Variants in NIN observed in about 807,000 individuals in gnomAD.
The protein encoded by NIN is glycogen synthase kinase 3 beta-interacting protein.
A neutral mutation model predicts 257.6 loss-of-function variants in NIN; 137 were observed. That is an observed-to-expected ratio of 0.53 (90% confidence interval 0.46 to 0.61). The LOEUF (loss-of-function observed/expected upper bound fraction) is 0.61, where lower values mean the gene tolerates loss of function less well. Among genes scored for constraint, NIN ranks in the 20% least tolerant of loss-of-function variants. The pLI is 0.00. For synonymous variants in NIN, 918 were observed against 919.8 expected (o/e 1.00, Z 0.04); for missense variants, 2,439 against 2,501.2 (o/e 0.98, Z 0.53).
chr14:50,820,286 CCT>C (rs1324679138), intron 3 of NIN, among the ~76,000 whole-genome samples: 7 of 152,156 alleles, frequency 4.6e-5, no homozygotes, highest in Admixed American at 4.6e-4. Flanking sequence ...ATAACTGCTC[CCT>C]GTTTGAGTCT....
chr14:50,792,548 C>G (rs761203240), intron 5 of NIN, 164 bp downstream of exon 5: 2 of 695,694 alleles, frequency 2.9e-6, no homozygotes, highest in Non-Finnish European at 2.4e-6. Context: ...AAGATAGAAA[C>G]ATTATATATG....
At position 50,747,926 on chromosome 14, in the gene NIN, A is replaced by T. The variant is rs868143862; in HGVS notation, c.5064+66T>A. 4 of 1,047,826 alleles carry T rather than the reference A, an allele frequency of 3.8e-6. No homozygotes were observed. In the Middle Eastern group the frequency reaches 6.1e-4, roughly 161 times the overall value. 64.9% of individuals were successfully genotyped at this position (1,047,826 alleles called of 1,614,324 possible). A position where few individuals can be genotyped will look rare whatever the true frequency, so the allele number is the denominator to read the frequency against. On this transcript the variant is annotated intron_variant, in intron 22 of 30. Coordinates refer to ENST00000530997, the MANE Select transcript of NIN (RefSeq NM_020921.4). ...AGGACAACTGGTGGTTAGAAATACC[A>T]GCCCAACAGGAGCCCACCAGGTACA...
Position 50,757,979 on chromosome 14 carries a change from A to G in NIN, c.3051T>C (p.Ser1017=). The G allele has an allele frequency of 6.2e-7, 1 of 1,613,420 alleles. No homozygotes were observed. The highest frequency in any genetic ancestry group is 8.5e-7 in the Non-Finnish European group (1 of 1,179,858). Residue 1017 remains serine (S), a synonymous_variant, in exon 18 of 31, where the codon AGT becomes AGC. Transcript: ENST00000530997. ...TTGCCTGCTGCATTTCCTTTATTTT[A>G]CTCTGAAGTCTGGAGATTTCTGTGC... is the stretch of plus-strand genomic sequence containing the variant. ...EMSTEISRLQ[S]KIKEMQQATS... is the part of the protein sequence containing the mutation.
At position 50,758,099 on chromosome 14, in the gene NIN, G is replaced by T. The variant is rs199781458; in HGVS notation, c.2931C>A (p.Asp977Glu). The change falls in exon 18 of 31, where the codon GAC becomes GAA. Residue 977 changes from aspartate to glutamate, a missense_variant. Physicochemically the swap from Asp to Glu is conservative, Grantham distance 45. This residue lies in a region of NIN where 2,043 missense variants were observed against 2,050.2 expected (regional missense o/e 1.00). Transcript: ENST00000530997. ...TGGACATCATTTCCTGCCTTTCCTG[G>T]TCATGTTCCATTTCTAGTCTTTCCA... ...QRLERLEMEH[D>E]QERQEMMSKL... 1 of 1,614,100 alleles carries T rather than the reference G, an allele frequency of 6.2e-7. No homozygotes were observed. Among genetic ancestry groups the T allele is most frequent in the South Asian group, 1.1e-5 (1 of 91,072 alleles).
chr14:50,757,338 A>C lies in NIN; in HGVS notation c.3692T>G (p.Leu1231Arg), dbSNP rs2042076051. The C allele has an allele frequency of 4.3e-6, 7 of 1,613,588 alleles. No individual in the cohort carries two copies. The highest frequency in any genetic ancestry group is 5.9e-6 in the Non-Finnish European group (7 of 1,179,930). Residue 1231 changes from leucine to arginine, a missense_variant, in exon 18 of 31, where the codon CTA (leucine) becomes CGA (arginine). Leu to Arg is a moderately radical substitution (Grantham distance 102, BLOSUM62 -2). Transcript: ENST00000530997. ...CTCAAGCATCTTCAGTTTCTTTTTTAGCACAGAAACATCAAAAAGTAGGTC... is the reference window on the plus strand; with the variant it reads ...CTCAAGCATCTTCAGTTTCTTTTTTCGCACAGAAACATCAAAAAGTAGGTC... ...KQDLLFDVSVLKKKLKMLERI... is the reference protein window; with the variant it reads ...KQDLLFDVSVRKKKLKMLERI...
intron 12 of NIN, 108 bp downstream of exon 12, chr14:50,770,280 A>G (rs932565815): frequency 2.6e-6 from 3 of 1,143,982 alleles, no homozygotes; most frequent in African/African-American, 3.1e-5. Flanking sequence ...GCAAACTTGG[A>G]GGATTTTTGG....
intron 5 of NIN, among the ~76,000 whole-genome samples, chr14:50,780,095 T>C (rs953252605): frequency 2.6e-5 from 4 of 152,206 alleles, no homozygotes; most frequent in Admixed American, 2.0e-4. Flanking sequence ...TGCCCGGGGA[T>C]AGTACAGGTC....
intron 16 of NIN, 77 bp from the exon 17 acceptor site, chr14:50,760,436 G>GTTTTTT: frequency 1.8e-6 from 1 of 544,224 alleles, no homozygotes. Flanking sequence ...AGCAGCAATT[G>GTTTTTT]CTTTTTTTTT....
At chr14:50,752,319 C>A (rs1036392998) in intron 21 of NIN, among the ~76,000 whole-genome samples, 199 bp downstream of exon 21, 1 of 152,150 alleles carries the variant, frequency 6.6e-6, no homozygotes, top group African/African-American at 2.4e-5. Flanking sequence ...AGAAGTGGCC[C>A]TGGTTATACA....
intron 29 of NIN, among the ~76,000 whole-genome samples, chr14:50,729,269 TAA>T (rs1566775395): frequency 1.3e-5 from 2 of 150,526 alleles, no homozygotes; most frequent in Admixed American, 6.6e-5. Context: ...TTTTTTTTTT[TAA>T]TTTAAGAGAT....
chr14:50,726,087 T>G (rs750231370), intron 29 of NIN, 21 bp from the exon 30 acceptor site: 21 of 1,579,412 alleles, frequency 1.3e-5, no homozygotes, highest in Non-Finnish European at 1.8e-5. Flanking sequence ...GAAAAGTATA[T>G]TATTCGAAAA....
Position 50,759,903 on chromosome 14 carries a change from T to A in NIN, c.2353A>T (p.Arg785Ter). The A allele has an allele frequency of 6.2e-7, 1 of 1,613,866 alleles. No individual in the cohort carries two copies. Among genetic ancestry groups the A allele is most frequent in the South Asian group, 1.1e-5 (1 of 91,056 alleles). Residue 785 changes from arginine to a stop codon, truncating the protein, a stop_gained, in exon 17 of 31, where the codon AGA (arginine) becomes TGA (stop). Coordinates refer to ENST00000530997, the MANE Select transcript of NIN (RefSeq NM_020921.4). LOFTEE classifies it high-confidence loss of function. ...TGGTGCTTTTCCAAGAGCTCTTTTCTTAACTCCTCTTTCTCAAGAGTGTGT... is the reference window on the plus strand; with the variant it reads ...TGGTGCTTTTCCAAGAGCTCTTTTCATAACTCCTCTTTCTCAAGAGTGTGT... ...EKHTLEKEELRKELLEKHQRE... is the reference protein window; with the variant it reads ...EKHTLEKEEL
intron 2 of NIN, among the ~76,000 whole-genome samples, chr14:50,828,021 C>T (rs2045542510): frequency 6.6e-6 from 1 of 151,044 alleles, no homozygotes; most frequent in Non-Finnish European, 1.5e-5. Flanking sequence ...CGCCATTAGC[C>T]TGGCACAATG....
In NIN at chr14:50,727,169, A is replaced by C. The variant is rs913469002; in HGVS notation, c.6079-1103T>G. ...TGCCCAACAAAGCAAAACAAAAAAA[A>C]AGATAATTCAAAGAACATAGAGTTG... On this transcript the variant is annotated intron_variant, in intron 29 of 30. Coordinates refer to ENST00000530997, the MANE Select transcript of NIN (RefSeq NM_020921.4). 5 of 694,812 alleles carry C rather than the reference A, an allele frequency of 7.2e-6. No individual in the cohort carries two copies. In the Middle Eastern group the frequency reaches 2.2e-3, roughly 301 times the overall value. The allele number at this position is 694,812 out of a possible 1,614,324, so 43.0% of individuals were successfully genotyped here. A position where few individuals can be genotyped will look rare whatever the true frequency, so the allele number is the denominator to read the frequency against.
intron 2 of NIN, among the ~76,000 whole-genome samples, chr14:50,828,638 T>G (rs908986142): frequency 6.6e-6 from 1 of 152,200 alleles, no homozygotes; most frequent in Non-Finnish European, 1.5e-5. Flanking sequence ...TGCCCACCCT[T>G]TATCAATGTA....
chr14:50,774,853 C>T (rs1430731620), intron 7 of NIN, among the ~76,000 whole-genome samples: 1 of 152,104 alleles, frequency 6.6e-6, no homozygotes, highest in Non-Finnish European at 1.5e-5. Flanking sequence ...GAAGACGGGG[C>T]CGGGGCTAGG....
chr14:50,822,109 T>C lies in NIN; in HGVS notation c.-21-32A>G, dbSNP rs890977996. 37 of 1,519,134 alleles carry C rather than the reference T, an allele frequency of 2.4e-5. No homozygotes were observed. In the Admixed American group the frequency reaches 5.0e-4, roughly 21 times the overall value. 94.1% of individuals were successfully genotyped at this position (1,519,134 alleles called of 1,614,324 possible). A position where few individuals can be genotyped will look rare whatever the true frequency, so the allele number is the denominator to read the frequency against. On this transcript the variant is annotated intron_variant, in intron 2 of 30. Coordinates refer to ENST00000530997, the MANE Select transcript of NIN (RefSeq NM_020921.4). Reference sequence around the variant, plus strand: ...GTAAGACAGAGACAAGGACAGGTTGTGGCAGCCTCTCCAGTCCTACCGTGG... The same window carrying C: ...GTAAGACAGAGACAAGGACAGGTTGCGGCAGCCTCTCCAGTCCTACCGTGG...
intron 5 of NIN, among the ~76,000 whole-genome samples, chr14:50,785,297 T>C (rs1293015105): frequency 6.6e-6 from 1 of 152,198 alleles, no homozygotes; most frequent in African/African-American, 2.4e-5. Context: ...GTGTGGCCCC[T>C]GCCCACAATA....
At chr14:50,771,996 C>A (rs1296349849) in intron 9 of NIN, 7 of 190,506 alleles carry the variant, frequency 3.7e-5, no homozygotes, top group South Asian at 9.5e-5. Flanking sequence ...AAAAAAAAAA[C>A]AAACAACAAA....
Sources: gnomAD v4.1 joint callset for allele counts (sites outside exome capture counted in the v4.1 genomes callset) on GRCh38, gnomAD v4.1.1 for gene constraint, gnomAD v4.1.1 regional missense constraint, MANE v1.5 for transcripts, NCBI Gene and HGNC (gene_info 2026-07-23, HGNC 2026-07-21) for gene names.